ZIM2: variants seen among roughly 807,000 people sequenced by gnomAD.
ZIM2 encodes zinc finger protein 656.
In ZIM2, 14 loss-of-function variants were observed where a neutral mutation model predicts 38.6. The ratio of observed to expected loss-of-function variants is 0.36; its 90% CI spans 0.24 to 0.57. ZIM2 has a LOEUF of 0.57. Among genes scored for constraint, ZIM2 ranks in the 20% least tolerant of loss-of-function variants. ZIM2 has a pLI of 0.81. For missense variants in ZIM2, 680 were observed against 695.1 expected (o/e 0.98, Z 0.24); for synonymous variants, 247 against 245.8 (o/e 1.00, Z -0.04).
At chr19:56,813,946 T>C (rs1216164185) in intron 9 of ZIM2, 4 of 1,614,170 alleles carry the variant, frequency 2.5e-6, no homozygotes, top group East Asian at 2.2e-5. Flanking sequence ...TTCTTCTACC[T>C]GAATCTCTTG....
chr19:56,802,286 C>A (rs1417870424), intron 9 of ZIM2, among the ~76,000 whole-genome samples: 2 of 152,118 alleles, frequency 1.3e-5, no homozygotes, highest in Non-Finnish European at 2.9e-5. Flanking sequence ...GTTTTGAATA[C>A]CCTCAAGGAT....
At position 56,814,645 on chromosome 19, in the gene ZIM2, C is replaced by G. The variant is rs2059807760; in HGVS notation, c.490+3101G>C. The G allele has an allele frequency of 6.2e-7, 1 of 1,614,114 alleles. No homozygotes were observed. The highest frequency in any genetic ancestry group is 8.5e-7 in the Non-Finnish European group (1 of 1,180,018). The stretch of plus-strand genomic sequence containing the variant: ...TCTCTGAAACTCAGTGAGGGCTAAG[C>G]CTGGAATGATAGCTTCCTCAGCCAT... On this transcript the variant is annotated intron_variant, in intron 9 of 12. Coordinates refer to ENST00000629319, the MANE Select transcript of ZIM2 (RefSeq NM_001387356.1). The surrounding 1 kb of genome is among the most constrained non-coding windows in gnomAD (Gnocchi z 5.8).
At chr19:56,806,651 G>A (rs114913541) in intron 9 of ZIM2, among the ~76,000 whole-genome samples, 1,872 of 152,308 alleles carry the variant, frequency 0.012, 37 homozygotes, top group African/African-American at 0.042. Flanking sequence ...ACATACTGCT[G>A]TGGTCTGAAT....
At chr19:56,812,808 T>C (rs1306094362) in intron 9 of ZIM2, 22 of 932,008 alleles carry the variant, frequency 2.4e-5, no homozygotes, top group East Asian at 1.3e-4. Context: ...CAAACACATA[T>C]TGAGTTGGTT....
chr19:56,792,833 C>T (rs2047009858), intron 9 of ZIM2, among the ~76,000 whole-genome samples: 1 of 152,168 alleles, frequency 6.6e-6, no homozygotes. Flanking sequence ...ATAACCCAAA[C>T]ACCAAATTTC....
chr19:56,829,252 G>A (rs2061352926), intron 2 of ZIM2, among the ~76,000 whole-genome samples: 1 of 151,076 alleles, frequency 6.6e-6, no homozygotes, highest in African/African-American at 2.4e-5. Flanking sequence ...GCTGAGGCAG[G>A]AGAATCACTT....
At chr19:56,819,055 G>A (rs749006618) in intron 7 of ZIM2, among the ~76,000 whole-genome samples, 1 of 152,194 alleles carries the variant, frequency 6.6e-6, no homozygotes, top group Non-Finnish European at 1.5e-5. Flanking sequence ...GTTCAGGGTG[G>A]GCCTGAACAG....
intron 2 of ZIM2, 110 bp downstream of exon 2, chr19:56,835,908 G>A (rs186898741): frequency 6.0e-5 from 26 of 430,162 alleles, no homozygotes; most frequent in Admixed American, 1.5e-4. Context: ...CACAAATGGT[G>A]CTGGGGTGGC....
At position 56,782,116 on chromosome 19, in the gene ZIM2, C is replaced by T. The variant is rs528993767; in HGVS notation, c.576G>A (p.Pro192=). 6.2e-6 allele frequency: 10 copies of T among 1,613,390 alleles called. No homozygotes were observed. Among genetic ancestry groups the T allele is most frequent in the East Asian group, 4.5e-5 (2 of 44,862 alleles). ...DNLPSAGSQF[P]DFKHLGTFLV... is the part of the protein sequence containing the mutation. ...GAAATGTTCCTAAGTGTTTGAAGTCCGGGAACTATCCCAGAGAGAGGAGAA... is the reference window on the plus strand; with the variant it reads ...GAAATGTTCCTAAGTGTTTGAAGTCTGGGAACTATCCCAGAGAGAGGAGAA... Residue 192 remains proline, a synonymous_variant, in exon 11 of 13, where the codon CCG becomes CCA. Coordinates refer to ENST00000629319, the MANE Select transcript of ZIM2 (RefSeq NM_001387356.1).
In ZIM2 at chr19:56,774,726, G is replaced by A. The variant is rs1322500257; in HGVS notation, c.1639C>T (p.His547Tyr). The change falls in exon 13 of 13, where the codon CAT becomes TAT. Residue 547 changes from histidine to tyrosine, a missense_variant. Transcript: ENST00000629319. ...PSYLTQHYQL[H>Y]SQEKTVECDH... ...CACTCAACAGTTTTCTCTTGAGAAT[G>A]GAGTTGATAATGTTGAGTGAGGTAT... 1 of 1,614,132 alleles carries A rather than the reference G, an allele frequency of 6.2e-7. No homozygotes were observed. The highest frequency in any genetic ancestry group is 1.1e-5 in the South Asian group (1 of 91,070).
intron 3 of ZIM2, chr19:56,824,944 CTCGGCTACTAACT>C: frequency 3.0e-6 from 1 of 331,126 alleles, no homozygotes; most frequent in South Asian, 7.6e-5. Flanking sequence ...GAGGAGTTAG[CTCGGCTACTAACT>C]TGGGCTACTA....
At chr19:56,807,940 T>C (rs76640445) in intron 9 of ZIM2, among the ~76,000 whole-genome samples, 2 of 152,376 alleles carry the variant, frequency 1.3e-5, no homozygotes, top group East Asian at 1.9e-4. Context: ...TAAAGAGTTA[T>C]CAGTCCTTCT....
chr19:56,813,172 T>G, intron 9 of ZIM2: 1 of 980,100 alleles, frequency 1.0e-6, no homozygotes, highest in Non-Finnish European at 1.2e-6. Context: ...CTTAAAAATA[T>G]AATCAAATTT....
intron 10 of ZIM2, 44 bp downstream of exon 10, chr19:56,789,828 G>A (rs778087846): frequency 6.9e-7 from 1 of 1,449,500 alleles, no homozygotes; most frequent in Non-Finnish European, 9.3e-7. Flanking sequence ...AGGAAGATAA[G>A]ATCCCCATAT....
intron 5 of ZIM2, 74 bp from the exon 6 acceptor site, chr19:56,822,910 C>G: frequency 6.5e-7 from 1 of 1,548,504 alleles, no homozygotes; most frequent in Non-Finnish European, 8.8e-7. Flanking sequence ...TGCACAAACA[C>G]CCCTCTGGAA....
chr19:56,817,632 T>C lies in ZIM2; in HGVS notation c.490+114A>G. Reference sequence around the variant, plus strand: ...TCCCTAGTCCCCATAAGAAGGACAGTGGGACTTGGAGGGGTGCACCCTTCT... The same window carrying C: ...TCCCTAGTCCCCATAAGAAGGACAGCGGGACTTGGAGGGGTGCACCCTTCT... On this transcript the variant is annotated intron_variant, in intron 9 of 12. Coordinates refer to ENST00000629319, the MANE Select transcript of ZIM2 (RefSeq NM_001387356.1). 2.6e-6 allele frequency: 4 copies of C among 1,533,278 alleles called. No individual in the cohort carries two copies. The Middle Eastern group carries it at 5.2e-4, about 199-fold the overall frequency. The allele number at this position is 1,533,278 out of a possible 1,614,324, so 95.0% of individuals were successfully genotyped here.
intron 9 of ZIM2, among the ~76,000 whole-genome samples, chr19:56,803,583 G>T (rs1339586283): frequency 6.6e-6 from 1 of 152,190 alleles, no homozygotes; most frequent in African/African-American, 2.4e-5. Context: ...CCCACATGGG[G>T]CTATTTGGAA....
At chr19:56,781,500 C>A (rs973479353) in intron 11 of ZIM2, among the ~76,000 whole-genome samples, 2 of 152,112 alleles carry the variant, frequency 1.3e-5, no homozygotes, top group African/African-American at 2.4e-5. Flanking sequence ...TCATTTTGAG[C>A]CTTCCATTGT....
At chr19:56,835,083 T>C (rs1351712939) in intron 2 of ZIM2, among the ~76,000 whole-genome samples, 4 of 152,012 alleles carry the variant, frequency 2.6e-5, no homozygotes, top group Admixed American at 2.6e-4. Flanking sequence ...TCAAATAATC[T>C]ACCCACTTCA....
Sources: gnomAD v4.1 joint callset for allele counts (sites outside exome capture counted in the v4.1 genomes callset) on GRCh38, gnomAD v4.1.1 for gene constraint, Gnocchi (gnomAD v3.1) non-coding constraint, MANE v1.5 for transcripts, NCBI Gene and HGNC (gene_info 2026-07-23, HGNC 2026-07-21) for gene names.